VTI1A: variants seen among roughly 807,000 people sequenced by gnomAD.
VTI1A encodes vesicle transport through interaction with t-SNAREs 1A.
In VTI1A, 22 loss-of-function variants were observed where a neutral mutation model predicts 34.9. The observed-to-expected ratio is 0.63, with a 90% CI of 0.45 to 0.90. The LOEUF is 0.90. Ranked by LOEUF, VTI1A falls within the 40% of genes least tolerant of loss-of-function variation. The pLI, the probability that VTI1A is intolerant of heterozygous loss-of-function variation, is 0.00. For missense variants in VTI1A, 268 were observed against 275.6 expected (o/e 0.97, Z 0.20); for synonymous variants, 87 against 97.3 (o/e 0.89, Z 0.62).
At chr10:112,706,758 G>A (rs920476833) in intron 7 of VTI1A, among the ~76,000 whole-genome samples, 3 of 152,034 alleles carry the variant, frequency 2.0e-5, no homozygotes, top group Non-Finnish European at 2.9e-5. Flanking sequence ...CTACTTCTTC[G>A]TCTTTCATGT....
intron 5 of VTI1A, among the ~76,000 whole-genome samples, chr10:112,663,915 C>T (rs1847552914): frequency 6.6e-6 from 1 of 152,194 alleles, no homozygotes; most frequent in African/African-American, 2.4e-5. Context: ...TATGAAAACA[C>T]ACGCTTCAGC....
chr10:112,785,143 C>T (rs1852247004), intron 7 of VTI1A, among the ~76,000 whole-genome samples: 1 of 152,200 alleles, frequency 6.6e-6, no homozygotes, highest in African/African-American at 2.4e-5. Context: ...CCCACACATG[C>T]CAGTGGTGTA....
chr10:112,762,562 G>A (rs76454231), intron 7 of VTI1A, among the ~76,000 whole-genome samples: 15,025 of 152,160 alleles, frequency 0.099, 2,320 homozygotes, highest in African/African-American at 0.33. Context: ...GGAGATTTGA[G>A]TTAGGATATT....
chr10:112,478,462 C>T (rs572394484), intron 3 of VTI1A, among the ~76,000 whole-genome samples: 1 of 152,196 alleles, frequency 6.6e-6, no homozygotes, highest in Non-Finnish European at 1.5e-5. Flanking sequence ...TAGAGGCTAA[C>T]GTATCTCAAG....
intron 7 of VTI1A, among the ~76,000 whole-genome samples, chr10:112,769,663 A>G (rs1210076449): frequency 1.3e-5 from 2 of 152,174 alleles, no homozygotes; most frequent in African/African-American, 4.8e-5. Context: ...TTGCAAGCCA[A>G]TGCAGTTTCA....
At chr10:112,608,152 C>G (rs984519756) in intron 5 of VTI1A, among the ~76,000 whole-genome samples, 1 of 152,172 alleles carries the variant, frequency 6.6e-6, no homozygotes, top group Non-Finnish European at 1.5e-5. Context: ...CAGACACTCA[C>G]GTTACAGCTT....
chr10:112,543,492 G>T lies in VTI1A; in HGVS notation c.427+5162G>T, dbSNP rs1850946715. Among the ~76,000 whole-genome samples the T allele has an allele frequency of 2.0e-5, 3 of 152,168 alleles. No homozygotes were observed. In the South Asian group the frequency reaches 6.2e-4, roughly 32 times the overall value. On this transcript the variant is annotated intron_variant, in intron 5 of 7. Transcript: ENST00000393077. ...AAATGTCTTCTTTTGAGAAGTGTCT[G>T]TTCATATCCTTTGCCCACTTTTTGA...
downstream of VTI1A, among the ~76,000 whole-genome samples, chr10:112,823,225 C>A (rs892552386): frequency 5.3e-5 from 8 of 152,352 alleles, no homozygotes; most frequent in Non-Finnish European, 1.0e-4. Flanking sequence ...AGGTCCCCAT[C>A]AGCACTGGCC....
At chr10:112,690,706 T>C (rs897691581) in intron 7 of VTI1A, among the ~76,000 whole-genome samples, 1 of 152,234 alleles carries the variant, frequency 6.6e-6, no homozygotes, top group Non-Finnish European at 1.5e-5. Flanking sequence ...AAACACCTTA[T>C]TTATTAGCTG....
chr10:112,484,908 T>C (rs1848567902), intron 3 of VTI1A: 1 of 151,898 alleles, frequency 6.6e-6, no homozygotes, highest in South Asian at 2.1e-4. Flanking sequence ...AAAATAATAA[T>C]GCCATGTGTT....
At chr10:112,750,998 T>A (rs1378737199) in intron 7 of VTI1A, among the ~76,000 whole-genome samples, 2 of 152,210 alleles carry the variant, frequency 1.3e-5, no homozygotes, top group Non-Finnish European at 2.9e-5. Context: ...CCCTGTTGGT[T>A]TTCCCCTATT....
At chr10:112,585,539 C>T (rs542918716) in intron 5 of VTI1A, among the ~76,000 whole-genome samples, 1 of 152,218 alleles carries the variant, frequency 6.6e-6, no homozygotes, top group Admixed American at 6.5e-5. Flanking sequence ...TTCTTATAGG[C>T]ATAAGTTTCC....
At chr10:112,766,906 A>T (rs551888336) in intron 7 of VTI1A, among the ~76,000 whole-genome samples, 1 of 152,370 alleles carries the variant, frequency 6.6e-6, no homozygotes, top group African/African-American at 2.4e-5. Flanking sequence ...GAAGCTATAA[A>T]GGGACAAAAG....
the VTI1A span, among the ~76,000 whole-genome samples, chr10:112,830,847 ATAT>A: frequency 0.016 from 494 of 30,974 alleles, 10 homozygotes; most frequent in Middle Eastern, 0.036. Flanking sequence ...ATATATATAT[ATAT>A]TTTTTTTTTT....
intron 7 of VTI1A, among the ~76,000 whole-genome samples, chr10:112,698,193 T>A (rs1564888840): frequency 1.3e-5 from 2 of 152,276 alleles, no homozygotes; most frequent in Admixed American, 1.3e-4. Flanking sequence ...ATGTATATTT[T>A]AAAATTGAAA....
At chr10:112,715,524 A>G (rs1430397187) in intron 7 of VTI1A, among the ~76,000 whole-genome samples, 1 of 152,152 alleles carries the variant, frequency 6.6e-6, no homozygotes, top group East Asian at 1.9e-4. Flanking sequence ...ATGAACTGGG[A>G]GGACAGTAAA....
At chr10:112,548,736 G>A (rs919446831) in intron 5 of VTI1A, 127 of 1,412,746 alleles carry the variant, frequency 9.0e-5, no homozygotes, top group African/African-American at 6.2e-4. Flanking sequence ...CTCATATCAC[G>A]AAGGGACCCA....
At chr10:112,726,799 T>C (rs1036069332) in intron 7 of VTI1A, among the ~76,000 whole-genome samples, 9 of 152,178 alleles carry the variant, frequency 5.9e-5, no homozygotes, top group Non-Finnish European at 1.2e-4. Flanking sequence ...GTGCACTGGC[T>C]TGTTGGAGGC....
intron 5 of VTI1A, among the ~76,000 whole-genome samples, chr10:112,580,636 A>AGG (rs1399280932): frequency 1.3e-5 from 2 of 152,112 alleles, no homozygotes; most frequent in Non-Finnish European, 2.9e-5. Flanking sequence ...GAGAACAAAG[A>AGG]GGGAGTGACT....
Sources: gnomAD v4.1 joint callset for allele counts (sites outside exome capture counted in the v4.1 genomes callset) on GRCh38, gnomAD v4.1.1 for gene constraint, MANE v1.5 for transcripts, NCBI Gene and HGNC (gene_info 2026-07-23, HGNC 2026-07-21) for gene names.